The following PLCB1 variants were observed in gnomAD, a reference collection of about 807,000 sequenced individuals.
The protein encoded by PLCB1 is phospholipase C beta 1.
In PLCB1, 46 loss-of-function variants were observed where a neutral mutation model predicts 161.8. That is an observed-to-expected ratio of 0.28 (90% CI 0.22 to 0.36). The LOEUF (loss-of-function observed/expected upper bound fraction) is 0.36, where lower values mean the gene tolerates loss of function less well. Among genes scored for constraint, PLCB1 ranks in the 10% least tolerant of loss-of-function variants. PLCB1 has a pLI of 1.00. For missense variants in PLCB1, 1,016 were observed against 1,472.5 expected (o/e 0.69, Z 5.07); for synonymous variants, 517 against 503.7 (o/e 1.03, Z -0.35).
intron 2 of PLCB1, among the ~76,000 whole-genome samples, chr20:8,233,599 G>A (rs768918209): frequency 5.9e-5 from 9 of 151,974 alleles, no homozygotes; most frequent in Non-Finnish European, 8.8e-5. Context: ...AAATAGTATA[G>A]CTCAGTGAGT....
intron 2 of PLCB1, among the ~76,000 whole-genome samples, chr20:8,151,499 T>C (rs2051507673): frequency 6.6e-6 from 1 of 152,138 alleles, no homozygotes. Flanking sequence ...CATGTGTGGC[T>C]GTAGAAGTGG....
intron 10 of PLCB1, among the ~76,000 whole-genome samples, chr20:8,686,834 A>G (rs898847641): frequency 6.6e-6 from 1 of 152,136 alleles, no homozygotes; most frequent in Non-Finnish European, 1.5e-5. Flanking sequence ...CCAGAGATGG[A>G]AACAGACTAT....
At chr20:8,495,421 G>A (rs1415775963) in intron 3 of PLCB1, among the ~76,000 whole-genome samples, 17 of 113,620 alleles carry the variant, frequency 1.5e-4, no homozygotes, top group Non-Finnish European at 8.1e-5. Flanking sequence ...TTTTTGAGAC[G>A]GAGTCTCGCT....
At chr20:8,239,122 C>T (rs1279052160) in intron 2 of PLCB1, among the ~76,000 whole-genome samples, 4 of 151,858 alleles carry the variant, frequency 2.6e-5, no homozygotes, top group East Asian at 1.9e-4. Flanking sequence ...ATACCAGGAC[C>T]GGGATGAGCC....
intron 3 of PLCB1, among the ~76,000 whole-genome samples, chr20:8,539,033 C>T (rs777083477): frequency 4.0e-5 from 6 of 151,592 alleles, no homozygotes; most frequent in Admixed American, 6.6e-5. Flanking sequence ...AGGATCCACC[C>T]GCCTCAGACT....
chr20:8,487,895 C>T (rs1457349532), intron 3 of PLCB1, among the ~76,000 whole-genome samples: 1 of 152,104 alleles, frequency 6.6e-6, no homozygotes, highest in Non-Finnish European at 1.5e-5. Context: ...ATGTTGCATT[C>T]CTCCCAGGGG....
At chr20:8,477,863 A>T (rs1181263248) in intron 3 of PLCB1, among the ~76,000 whole-genome samples, 5 of 152,210 alleles carry the variant, frequency 3.3e-5, no homozygotes, top group African/African-American at 1.2e-4. Flanking sequence ...CAATACTGGG[A>T]ATAACATTTC....
At chr20:8,594,498 A>C (rs761721872) in intron 3 of PLCB1, among the ~76,000 whole-genome samples, 3 of 152,184 alleles carry the variant, frequency 2.0e-5, no homozygotes, top group African/African-American at 2.4e-5. Flanking sequence ...GAGATTCTGC[A>C]TCCCTACCTA....
intron 2 of PLCB1, among the ~76,000 whole-genome samples, chr20:8,179,884 A>G (rs1306447297): frequency 1.3e-5 from 1 of 76,300 alleles, no homozygotes; most frequent in African/African-American, 5.8e-5. Context: ...TTTGAGACGG[A>G]GTCCCTCTCT....
At chr20:8,237,445 T>A (rs1035667605) in intron 2 of PLCB1, among the ~76,000 whole-genome samples, 2 of 152,098 alleles carry the variant, frequency 1.3e-5, no homozygotes, top group Admixed American at 1.3e-4. Flanking sequence ...AACAGTGGTT[T>A]TCTCTGTCTT....
At chr20:8,876,586 A>G (rs1366836319) in intron 31 of PLCB1, among the ~76,000 whole-genome samples, 1 of 152,208 alleles carries the variant, frequency 6.6e-6, no homozygotes, top group African/African-American at 2.4e-5. Context: ...ACAACCAACC[A>G]TAAAAATCAG....
At chr20:8,548,679 A>C (rs986472715) in intron 3 of PLCB1, among the ~76,000 whole-genome samples, 19 of 152,118 alleles carry the variant, frequency 1.2e-4, no homozygotes, top group African/African-American at 4.6e-4. Flanking sequence ...TCTACTTATA[A>C]TCTTATATTT....
chr20:8,498,390 C>T (rs1260873324), intron 3 of PLCB1, among the ~76,000 whole-genome samples: 3 of 152,158 alleles, frequency 2.0e-5, no homozygotes, highest in Non-Finnish European at 2.9e-5. Context: ...CCACCACGCC[C>T]GACCACCTTT....
intron 3 of PLCB1, among the ~76,000 whole-genome samples, chr20:8,575,993 C>A (rs1468395332): frequency 6.6e-6 from 1 of 152,052 alleles, no homozygotes; most frequent in Non-Finnish European, 1.5e-5. Context: ...TACTCTAGAC[C>A]AATTTATAAA....
chr20:8,586,356 GTT>G (rs11479321), intron 3 of PLCB1, among the ~76,000 whole-genome samples: 90 of 147,416 alleles, frequency 6.1e-4, no homozygotes, highest in Middle Eastern at 3.5e-3. Context: ...ATTTATTATG[GTT>G]TTTTTTTTTG....
intron 2 of PLCB1, among the ~76,000 whole-genome samples, chr20:8,154,205 G>C (rs960008508): frequency 6.6e-6 from 1 of 152,126 alleles, no homozygotes; most frequent in South Asian, 2.1e-4. Context: ...AACTTTTCAA[G>C]TTAGTACATG....
intron 2 of PLCB1, among the ~76,000 whole-genome samples, chr20:8,260,837 A>G (rs1981650927): frequency 6.6e-6 from 1 of 152,162 alleles, no homozygotes; most frequent in Non-Finnish European, 1.5e-5. Flanking sequence ...ACCAGTTACT[A>G]GAAACTCATA....
At chr20:8,801,954 G>A (rs1984300767) in intron 31 of PLCB1, 3 of 762,524 alleles carry the variant, frequency 3.9e-6, no homozygotes, top group African/African-American at 1.7e-5. Flanking sequence ...ACTCTAGAAG[G>A]CACTCCAAGA....
intron 2 of PLCB1, among the ~76,000 whole-genome samples, chr20:8,362,662 A>G (rs1447302451): frequency 6.6e-6 from 1 of 152,214 alleles, no homozygotes; most frequent in Non-Finnish European, 1.5e-5. Flanking sequence ...ACCAGCCACC[A>G]AACTATCTCA....
Sources: gnomAD v4.1 joint callset for allele counts (sites outside exome capture counted in the v4.1 genomes callset) on GRCh38, gnomAD v4.1.1 for gene constraint, MANE v1.5 for transcripts, NCBI Gene and HGNC (gene_info 2026-07-23, HGNC 2026-07-21) for gene names.